WASF2: variants seen among roughly 807,000 people sequenced by gnomAD.
WASF2 encodes the protein WASP family member 2.
In WASF2, 14 loss-of-function variants were observed where a neutral mutation model predicts 45.0. The observed-to-expected ratio is 0.31, with a 90% CI of 0.21 to 0.49. The LOEUF is 0.49. WASF2 is among the 20% of genes least tolerant of loss of function. The probability of loss-of-function intolerance (pLI) is 0.99; values close to 1 mark genes in which losing one functional copy is unlikely to be tolerated. For synonymous variants in WASF2, 200 were observed against 236.3 expected, an observed-to-expected ratio of 0.85 and a Z score of 1.41; for missense variants, 439 against 636.1, an observed-to-expected ratio of 0.69 and a Z score of 3.33.
chr1:27,472,341 A>T (rs529860208), intron 1 of WASF2, among the ~76,000 whole-genome samples: 143 of 150,810 alleles, frequency 9.5e-4, no homozygotes, highest in African/African-American at 3.3e-3. Flanking sequence ...AAAAAAAAAA[A>T]TGTAAATCAA....
At chr1:27,454,178 TATATATATA>T (rs1340207628) in intron 1 of WASF2, among the ~76,000 whole-genome samples, 35 of 9,234 alleles carry the variant, frequency 3.8e-3, no homozygotes, top group African/African-American at 9.5e-3. Context: ...TATATATATA[TATATATATA>T]TTTTTTTTTT....
In WASF2 at chr1:27,428,871, T is replaced by C. The variant is rs761056790; in HGVS notation, c.20A>G (p.Asn7Ser). 1.2e-6 allele frequency: 2 copies of C among 1,614,148 alleles called. No homozygotes were observed. Among genetic ancestry groups the C allele is most frequent in the South Asian group, 1.1e-5 (1 of 91,078 alleles). ...ACGGCACAGGTGCCTTGGCTCGATG[T>C]TCCTCGTTACTAACGGCATGGTGGA... MPLVTRNIEPRHLCRQT... is the reference protein window; with the variant it reads MPLVTRSIEPRHLCRQT... The change falls in exon 2 of 9, where the codon AAC (asparagine) becomes AGC (serine). Residue 7 changes from asparagine (N) to serine (S), a missense_variant. Transcript: ENST00000618852.
At chr1:27,446,223 T>C (rs967770204) in intron 1 of WASF2, among the ~76,000 whole-genome samples, 1 of 152,156 alleles carries the variant, frequency 6.6e-6, no homozygotes, top group Non-Finnish European at 1.5e-5. Context: ...ATTAGAAAAA[T>C]GCAAGAAACT....
chr1:27,474,269 AG>A (rs146512354), intron 1 of WASF2, among the ~76,000 whole-genome samples: 3,154 of 152,166 alleles, frequency 0.021, 99 homozygotes, highest in African/African-American at 0.071. Flanking sequence ...TTCATTAAAA[AG>A]TTTTTTTTTT....
At chr1:27,447,506 ATTGTAGCTATGTTGC>A (rs1162275263) in intron 1 of WASF2, among the ~76,000 whole-genome samples, 16 of 152,198 alleles carry the variant, frequency 1.1e-4, no homozygotes. Flanking sequence ...GGTTGTTCAG[ATTGTAGCTATGTTGC>A]AGCAGCTCCT....
chr1:27,482,466 A>ACC (rs2017865014), intron 1 of WASF2, among the ~76,000 whole-genome samples: 1 of 152,202 alleles, frequency 6.6e-6, no homozygotes, highest in African/African-American at 2.4e-5. Context: ...TTCTTTATAT[A>ACC]AGCAATGCTG....
intron 1 of WASF2, among the ~76,000 whole-genome samples, chr1:27,441,753 CAAAAAA>C (rs35347075): frequency 1.9e-5 from 1 of 51,672 alleles, no homozygotes; most frequent in East Asian, 5.4e-4. Context: ...GACTCCGTCT[CAAAAAA>C]AAAAAAAAAA....
intron 1 of WASF2, among the ~76,000 whole-genome samples, chr1:27,487,394 C>T (rs1194011301): frequency 2.3e-5 from 3 of 132,410 alleles, no homozygotes; most frequent in Non-Finnish European, 3.1e-5. Flanking sequence ...TCACCATGCC[C>T]GGCCTATAAT....
chr1:27,413,328 T>A (rs953149188), intron 6 of WASF2, among the ~76,000 whole-genome samples: 1 of 152,192 alleles, frequency 6.6e-6, no homozygotes, highest in African/African-American at 2.4e-5. Context: ...CATGAAAACC[T>A]GTCCCTCAGT....
At position 27,475,282 on chromosome 1, in the gene WASF2, C is replaced by T. The variant is rs2017750225; in HGVS notation, c.-44+14704G>A. Among the ~76,000 whole-genome samples the T allele has an allele frequency of 2.0e-5, 3 of 152,138 alleles. No individual in the cohort carries two copies. The South Asian group carries it at 6.2e-4, about 32-fold the overall frequency. ...TAAATAAACAGAACTCCTTAACAGT[C>T]CTAAAAAGCTTTGAAATATCTGGCT... On this transcript the variant is annotated intron_variant, in intron 1 of 8. Coordinates refer to ENST00000618852, the MANE Select transcript of WASF2 (RefSeq NM_006990.5).
At chr1:27,482,870 C>G (rs2017871268) in intron 1 of WASF2, among the ~76,000 whole-genome samples, 1 of 152,094 alleles carries the variant, frequency 6.6e-6, no homozygotes, top group Admixed American at 6.6e-5. Flanking sequence ...CAGTAGCTCA[C>G]AACAGGGAGA....
intron 1 of WASF2, among the ~76,000 whole-genome samples, chr1:27,467,294 A>G (rs1225830126): frequency 6.7e-6 from 1 of 149,546 alleles, no homozygotes; most frequent in South Asian, 2.1e-4. Context: ...TGGGTAAAAT[A>G]AAGTTTTTCG....
rs114904614 is a variant in WASF2 at position 27,476,372 on chromosome 1, G to A, written c.-44+13614C>T. Among the ~76,000 whole-genome samples the A allele has an allele frequency of 4.0e-3, 604 of 152,274 alleles. 1 individual carries two copies. Among genetic ancestry groups the A allele is most frequent in the African/African-American group, 0.013 (553 of 41,552 alleles). On this transcript the variant is annotated intron_variant, in intron 1 of 8. Coordinates refer to ENST00000618852, the MANE Select transcript of WASF2 (RefSeq NM_006990.5). ...TTTTACTCATGGCAGAAGGAAAAGC[G>A]CAAGCAGGCACTTCACATGTGAACT...
chr1:27,453,198 C>A (rs1322177645), intron 1 of WASF2, among the ~76,000 whole-genome samples: 1 of 151,702 alleles, frequency 6.6e-6, no homozygotes, highest in Non-Finnish European at 1.5e-5. Context: ...GAATGGGACT[C>A]CATCTCAAAA....
intron 2 of WASF2, among the ~76,000 whole-genome samples, chr1:27,420,558 T>A (rs2016892658): frequency 7.6e-6 from 1 of 130,920 alleles, no homozygotes; most frequent in African/African-American, 2.8e-5. Flanking sequence ...TCTTGCTCTA[T>A]CCCCCAGGTG....
Position 27,410,561 on chromosome 1 carries a change from G to C in WASF2, c.825-355C>G, listed in dbSNP as rs995018900. On this transcript the variant is annotated intron_variant, in intron 7 of 8. Transcript: ENST00000618852. The surrounding 1 kb of genome is among the most constrained non-coding windows in gnomAD (Gnocchi z 4.2). ...ACCCTCCCTCCCCTTCCCTAAGAAG[G>C]ATGGTCCATGGCAGTTGCTAGTTTA... 2.0e-5 allele frequency among the ~76,000 whole-genome samples: 3 copies of C among 152,170 alleles called. No individual in the cohort carries two copies. The highest frequency in any genetic ancestry group is 2.9e-5 in the Non-Finnish European group (2 of 68,026).
At chr1:27,422,876 T>C (rs2016928361) in intron 2 of WASF2, among the ~76,000 whole-genome samples, 1 of 152,152 alleles carries the variant, frequency 6.6e-6, no homozygotes, top group Admixed American at 6.5e-5. Context: ...CGGTGGCTCA[T>C]GCCTATAATC....
chr1:27,430,195 A>G (rs2017042501), intron 1 of WASF2, among the ~76,000 whole-genome samples: 2 of 152,230 alleles, frequency 1.3e-5, no homozygotes, highest in African/African-American at 4.8e-5. Flanking sequence ...CAAAATGGAT[A>G]TGACTACAGT....
chr1:27,430,685 A>G (rs1423719972), intron 1 of WASF2, among the ~76,000 whole-genome samples: 1 of 151,930 alleles, frequency 6.6e-6, no homozygotes, highest in Non-Finnish European at 1.5e-5. Context: ...GTCATCCAGT[A>G]TGGAGTGCAA....
Sources: gnomAD v4.1 joint callset for allele counts (sites outside exome capture counted in the v4.1 genomes callset) on GRCh38, gnomAD v4.1.1 for gene constraint, Gnocchi (gnomAD v3.1) non-coding constraint, MANE v1.5 for transcripts, NCBI Gene and HGNC (gene_info 2026-07-23, HGNC 2026-07-21) for gene names.